Variants in KCNQ1 observed in about 807,000 individuals in gnomAD.
KCNQ1 encodes potassium voltage-gated channel subfamily KQT member 1.
In KCNQ1, 49 loss-of-function variants were observed where a neutral mutation model predicts 72.4. That is an observed-to-expected ratio of 0.68 (90% CI 0.54 to 0.86). The LOEUF (loss-of-function observed/expected upper bound fraction) is 0.86, where lower values mean the gene tolerates loss of function less well. Among genes scored for constraint, KCNQ1 ranks in the 40% least tolerant of loss-of-function variants. KCNQ1 has a pLI of 0.00. For synonymous variants in KCNQ1, 450 were observed against 412.6 expected, an observed-to-expected ratio of 1.09 and a Z score of -1.10; for missense variants, 790 against 945.1, an observed-to-expected ratio of 0.84 and a Z score of 2.15.
intron 10 of KCNQ1, chr11:2,610,488 G>T (rs1027568597): frequency 5.0e-6 from 2 of 398,148 alleles, no homozygotes; most frequent in African/African-American, 2.1e-5. Flanking sequence ...CCAACTGGTG[G>T]TATTTCCTTA....
intron 15 of KCNQ1, among the ~76,000 whole-genome samples, chr11:2,821,913 C>G (rs1159047902): frequency 1.3e-5 from 2 of 152,184 alleles, no homozygotes; most frequent in African/African-American, 4.8e-5. Flanking sequence ...ATCCCTGTCC[C>G]TTCATGGCAG....
Position 2,848,880 on chromosome 11 carries a change from C to A in KCNQ1, c.*877C>A. 2.2e-6 allele frequency: 1 copy of A among 454,140 alleles called. No individual in the cohort carries two copies. Among genetic ancestry groups the A allele is most frequent in the Non-Finnish European group, 4.4e-6 (1 of 226,800 alleles). The allele number at this position is 454,140 out of a possible 1,614,324, so 28.1% of individuals were successfully genotyped here. On this transcript the variant is annotated 3_prime_UTR_variant, in exon 16 of 16. Transcript: ENST00000155840. The stretch of plus-strand genomic sequence containing the variant: ...CAGGGGTTCCTTCTGGGCATTACAT[C>A]GCATAGAAATCAATAATTTGTGGTG...
chr11:2,647,338 G>T lies in KCNQ1; in HGVS notation c.1394-14623G>T. ...CTGGGATAAATCCCACTTGATTATGGTGTATTATCTTTTTGATGTGCGATT... is the reference window on the plus strand; with the variant it reads ...CTGGGATAAATCCCACTTGATTATGTTGTATTATCTTTTTGATGTGCGATT... On this transcript the variant is annotated intron_variant, in intron 10 of 15. Transcript: ENST00000155840. The surrounding 1 kb of genome is among the most constrained non-coding windows in gnomAD (Gnocchi z 4.0). 1 of 398,426 alleles carries T rather than the reference G, an allele frequency of 2.5e-6. No individual in the cohort carries two copies. Among genetic ancestry groups the T allele is most frequent in the Non-Finnish European group, 4.4e-6 (1 of 226,014 alleles). The allele number at this position is 398,426 out of a possible 1,614,324, so 24.7% of individuals were successfully genotyped here.
At chr11:2,836,590 T>C (rs1427577719) in intron 15 of KCNQ1, among the ~76,000 whole-genome samples, 1 of 152,050 alleles carries the variant, frequency 6.6e-6, no homozygotes, top group Non-Finnish European at 1.5e-5. Context: ...AGGGACTGGG[T>C]GGTGATGTCA....
chr11:2,472,090 G>A (rs1846486173), intron 1 of KCNQ1, among the ~76,000 whole-genome samples: 1 of 150,614 alleles, frequency 6.6e-6, no homozygotes, highest in African/African-American at 2.5e-5. Flanking sequence ...ATGTATATAT[G>A]GGTGTGTGTG....
At chr11:2,788,512 T>C (rs934630134) in intron 15 of KCNQ1, among the ~76,000 whole-genome samples, 1 of 151,946 alleles carries the variant, frequency 6.6e-6, no homozygotes, top group Non-Finnish European at 1.5e-5. Context: ...GCCCCAGACC[T>C]GCCTCTCCTC....
At chr11:2,755,520 A>G (rs1178526562) in intron 11 of KCNQ1, among the ~76,000 whole-genome samples, 1 of 152,176 alleles carries the variant, frequency 6.6e-6, no homozygotes, top group Non-Finnish European at 1.5e-5. Context: ...TGGCCTTCCA[A>G]AGCACTGGGA....
intron 11 of KCNQ1, among the ~76,000 whole-genome samples, chr11:2,739,512 T>C (rs547557813): frequency 2.4e-4 from 37 of 152,364 alleles, no homozygotes; most frequent in African/African-American, 7.5e-4. Flanking sequence ...GGACATTTCG[T>C]AGAACAACAT....
At chr11:2,505,241 A>G (rs896745175) in intron 1 of KCNQ1, among the ~76,000 whole-genome samples, 1 of 151,782 alleles carries the variant, frequency 6.6e-6, no homozygotes, top group Non-Finnish European at 1.5e-5. Flanking sequence ...TCTTTGATTC[A>G]TTGGTTAAGA....
In KCNQ1 at chr11:2,768,120, C is replaced by A. The variant is rs769879666; in HGVS notation, c.1515-724C>A. On this transcript the variant is annotated intron_variant, in intron 11 of 15. Coordinates refer to ENST00000155840, the MANE Select transcript of KCNQ1 (RefSeq NM_000218.3). This position sits in a 1 kb window ranked among gnomAD's most constrained non-coding sequence, Gnocchi z 6.7. ...TGTTGGCATCACTTAGTCTCGCAGT[C>A]CCTGGTGTTTCCATCAGGAAAGTCA... is the stretch of plus-strand genomic sequence containing the variant. 6.6e-6 allele frequency among the ~76,000 whole-genome samples: 1 copy of A among 152,218 alleles called. No individual in the cohort carries two copies. Among genetic ancestry groups the A allele is most frequent in the Admixed American group, 6.5e-5 (1 of 15,286 alleles).
rs1035775987 is a variant in KCNQ1, at chr11:2,647,493, A to G, written c.1394-14468A>G. On this transcript the variant is annotated intron_variant, in intron 10 of 15. Coordinates refer to ENST00000155840, the MANE Select transcript of KCNQ1 (RefSeq NM_000218.3). This position sits in a 1 kb window ranked among gnomAD's most constrained non-coding sequence, Gnocchi z 4.0. ...TATTGTGTCCTTATCTGGTTTTGGT[A>G]TCAAGATACTGCTTGCCTCACAGAA... 5.5e-5 allele frequency: 22 copies of G among 398,526 alleles called. No individual in the cohort carries two copies. The East Asian group carries it at 7.8e-4, about 14-fold the overall frequency. The allele number at this position is 398,526 out of a possible 1,614,324, so 24.7% of individuals were successfully genotyped here.
intron 11 of KCNQ1, chr11:2,684,239 A>G (rs981401405): frequency 1.5e-5 from 6 of 398,510 alleles, no homozygotes; most frequent in Admixed American, 4.4e-5. Flanking sequence ...GACCCTACCC[A>G]GTACCTTCTG....
In KCNQ1 at chr11:2,484,044, G is replaced by A. The variant is rs1846695020; in HGVS notation, c.386+38560G>A. Reference sequence around the variant, plus strand: ...GTTTGTTAATTTGGATTCTTCTCCAGGAAGAGCTGTCCCCTTTGTTCTGGT... The same window carrying A: ...GTTTGTTAATTTGGATTCTTCTCCAAGAAGAGCTGTCCCCTTTGTTCTGGT... On this transcript the variant is annotated intron_variant, in intron 1 of 15. Coordinates refer to ENST00000155840, the MANE Select transcript of KCNQ1 (RefSeq NM_000218.3). The surrounding 1 kb of genome is among the most constrained non-coding windows in gnomAD (Gnocchi z 5.2). Among the ~76,000 whole-genome samples the A allele has an allele frequency of 6.6e-6, 1 of 152,148 alleles. No individual in the cohort carries two copies. The highest frequency in any genetic ancestry group is 2.1e-4 in the South Asian group (1 of 4,830).
At position 2,785,441 on chromosome 11, in the gene KCNQ1, A is replaced by G. The variant is rs1486476663; in HGVS notation, c.1794+7404A>G. On this transcript the variant is annotated intron_variant, in intron 15 of 15. Transcript: ENST00000155840. The surrounding 1 kb of genome is among the most constrained non-coding windows in gnomAD (Gnocchi z 4.4). Reference sequence around the variant, plus strand: ...TCAACCTAGGAAAGCTGATTGAAAGAAAAAAAAAAGAATGTACTTTATATT... The same window carrying G: ...TCAACCTAGGAAAGCTGATTGAAAGGAAAAAAAAAGAATGTACTTTATATT... Among the ~76,000 whole-genome samples, 3 of 147,608 alleles carry G rather than the reference A, an allele frequency of 2.0e-5. No individual in the cohort carries two copies. Among genetic ancestry groups the G allele is most frequent in the African/African-American group, 7.6e-5 (3 of 39,342 alleles).
intron 13 of KCNQ1, among the ~76,000 whole-genome samples, chr11:2,776,728 C>T (rs1846709077): frequency 6.6e-6 from 1 of 152,218 alleles, no homozygotes; most frequent in African/African-American, 2.4e-5. Flanking sequence ...CTGCCTCCCA[C>T]TCCTACCCCC....
chr11:2,517,750 C>A (rs762612566), intron 1 of KCNQ1, among the ~76,000 whole-genome samples: 16 of 152,320 alleles, frequency 1.1e-4, no homozygotes, highest in Middle Eastern at 3.4e-3. Flanking sequence ...CACGTCCTGC[C>A]CGCTCACACC....
chr11:2,799,301 TGTG>T (rs1462290094), intron 15 of KCNQ1, among the ~76,000 whole-genome samples: 1 of 152,176 alleles, frequency 6.6e-6, no homozygotes, highest in Non-Finnish European at 1.5e-5. Context: ...AGGTCACTGT[TGTG>T]GTGACAACCA....
rs1278021645 is a variant in KCNQ1 at position 2,477,571 on chromosome 11, G to C, written c.386+32087G>C. On this transcript the variant is annotated intron_variant, in intron 1 of 15. Transcript: ENST00000155840. The surrounding 1 kb of genome is among the most constrained non-coding windows in gnomAD (Gnocchi z 5.0). ...AGAGAGCAATGAAAATCCTCATTAT[G>C]ATGGCAGACTAAACCCATAGTGTGT... is the stretch of plus-strand genomic sequence containing the variant. 6.6e-6 allele frequency among the ~76,000 whole-genome samples: 1 copy of C among 152,062 alleles called. No individual in the cohort carries two copies. The highest frequency in any genetic ancestry group is 2.4e-5 in the African/African-American group (1 of 41,380).
chr11:2,688,357 G>A, intron 11 of KCNQ1: 2 of 398,780 alleles, frequency 5.0e-6, no homozygotes, highest in Middle Eastern at 6.3e-4. Context: ...TCTCGTGTCT[G>A]GGGAACTTCC....
Sources: gnomAD v4.1 joint callset for allele counts (sites outside exome capture counted in the v4.1 genomes callset) on GRCh38, gnomAD v4.1.1 for gene constraint, Gnocchi (gnomAD v3.1) non-coding constraint, MANE v1.5 for transcripts, NCBI Gene and HGNC (gene_info 2026-07-23, HGNC 2026-07-21) for gene names.